SERPINA6: variants seen among roughly 807,000 people sequenced by gnomAD.
SERPINA6 encodes corticosteroid-binding globulin.
Under a neutral mutation model 26.4 loss-of-function variants are expected in SERPINA6, and 19 were observed. That is an observed-to-expected ratio of 0.72 (90% confidence interval 0.50 to 1.06). SERPINA6 has a LOEUF of 1.06. SERPINA6 is among the 50% of genes least tolerant of loss of function. The pLI, the probability that SERPINA6 is intolerant of heterozygous loss-of-function variation, is 0.00. For synonymous variants in SERPINA6, 196 were observed against 199.4 expected, an observed-to-expected ratio of 0.98 and a Z score of 0.14; for missense variants, 473 against 504.0, an observed-to-expected ratio of 0.94 and a Z score of 0.59.
Position 94,304,507 on chromosome 14 carries a change from AG to A in SERPINA6, c.1128del (p.Leu377CysfsTer10). 3.7e-6 allele frequency: 6 copies of A among 1,614,158 alleles called. No homozygotes were observed. The highest frequency in any genetic ancestry group is 5.1e-6 in the Non-Finnish European group (6 of 1,180,026). On this transcript the variant is annotated frameshift_variant, in exon 5 of 5. Transcript: ENST00000341584. LOFTEE classifies it low-confidence loss of function (END_TRUNC). ...VTLNLTSKPI[I>X]LRFNQPFIIM... Reference sequence around the variant, plus strand: ...ATGATGAAGGGCTGGTTGAAACGCAAGATGATAGGCTTGGACGTCAGGTTTA... The same window carrying A: ...ATGATGAAGGGCTGGTTGAAACGCAAATGATAGGCTTGGACGTCAGGTTTA...
chr14:94,317,864 A>C (rs1895633344), intron 1 of SERPINA6, among the ~76,000 whole-genome samples: 1 of 152,258 alleles, frequency 6.6e-6, no homozygotes, highest in Non-Finnish European at 1.5e-5. Flanking sequence ...GCAATTGGGC[A>C]AGGAAAGAAA....
chr14:94,317,621 TC>T (rs1895630096), intron 1 of SERPINA6, among the ~76,000 whole-genome samples: 1 of 152,212 alleles, frequency 6.6e-6, no homozygotes, highest in Non-Finnish European at 1.5e-5. Flanking sequence ...GTGAGCCTAA[TC>T]TTTCATGGCC....
chr14:94,315,315 G>A (rs1248211537), intron 1 of SERPINA6, among the ~76,000 whole-genome samples: 1 of 152,138 alleles, frequency 6.6e-6, no homozygotes, highest in Non-Finnish European at 1.5e-5. Context: ...AGGAAGCAGA[G>A]CTTTTGTATG....
At chr14:94,316,252 A>G (rs1895612782) in intron 1 of SERPINA6, among the ~76,000 whole-genome samples, 1 of 152,140 alleles carries the variant, frequency 6.6e-6, no homozygotes, top group African/African-American at 2.4e-5. Context: ...TGTCTTTTAA[A>G]ATCTATTGAC....
At chr14:94,315,420 G>A (rs1359302360) in intron 1 of SERPINA6, among the ~76,000 whole-genome samples, 1 of 152,062 alleles carries the variant, frequency 6.6e-6, no homozygotes, top group Non-Finnish European at 1.5e-5. Context: ...TTTCTCTATT[G>A]TTTTTCTATT....
intron 4 of SERPINA6, 119 bp from the exon 5 acceptor site, chr14:94,304,722 G>T: frequency 1.2e-6 from 1 of 834,760 alleles, no homozygotes. Flanking sequence ...GGTCAGAGAA[G>T]GTCACTTGCT....
At chr14:94,311,730 G>A (rs1196243701) in intron 2 of SERPINA6, among the ~76,000 whole-genome samples, 1 of 152,102 alleles carries the variant, frequency 6.6e-6, no homozygotes, top group East Asian at 1.9e-4. Flanking sequence ...ATGAGGTCAG[G>A]AGATCGAGAC....
At chr14:94,317,287 T>G (rs1895625990) in intron 1 of SERPINA6, among the ~76,000 whole-genome samples, 1 of 152,230 alleles carries the variant, frequency 6.6e-6, no homozygotes, top group Non-Finnish European at 1.5e-5. Flanking sequence ...CATGATCATC[T>G]TAATTGGTGC....
intron 4 of SERPINA6, among the ~76,000 whole-genome samples, 168 bp from the exon 5 acceptor site, chr14:94,304,771 C>T (rs2139713114): frequency 6.6e-6 from 1 of 152,248 alleles, no homozygotes; most frequent in East Asian, 1.9e-4. Flanking sequence ...ATTACACAGC[C>T]CAAGTCTGTC....
rs202038305 is a variant in SERPINA6, at chr14:94,306,224, C to T, written c.885-6G>A. The T allele has an allele frequency of 5.4e-4, 868 of 1,614,058 alleles. 1 individual carries two copies. The highest frequency in any genetic ancestry group is 4.9e-4 in the Non-Finnish European group (573 of 1,180,006). ...GAATGTACAGGTCCACCTGGCTGCT[C>T]GGGGTAAGCAGACAGAGTTAGACAT... On this transcript the variant is annotated splice_polypyrimidine_tract_variant and splice_region_variant and intron_variant, in intron 3 of 4. Coordinates refer to ENST00000341584, the MANE Select transcript of SERPINA6 (RefSeq NM_001756.4).
chr14:94,312,181 T>C (rs1009766437), intron 2 of SERPINA6, among the ~76,000 whole-genome samples: 1 of 152,248 alleles, frequency 6.6e-6, no homozygotes. Context: ...TGTCTGGTCC[T>C]GCATTCAGGT....
intron 1 of SERPINA6, among the ~76,000 whole-genome samples, chr14:94,321,860 G>T (rs1303159688): frequency 6.6e-6 from 1 of 152,198 alleles, no homozygotes; most frequent in African/African-American, 2.4e-5. Context: ...CTCAGGCACA[G>T]GCCCTGTGCG....
chr14:94,306,550 C>T (rs1271968495), intron 3 of SERPINA6, among the ~76,000 whole-genome samples: 2 of 152,206 alleles, frequency 1.3e-5, no homozygotes, highest in African/African-American at 2.4e-5. Context: ...TTTTTAGTCC[C>T]AGGAGAACCC....
intron 1 of SERPINA6, among the ~76,000 whole-genome samples, chr14:94,320,352 G>T (rs1476254117): frequency 2.0e-5 from 3 of 152,206 alleles, no homozygotes; most frequent in Non-Finnish European, 4.4e-5. Flanking sequence ...TTTGTAACAA[G>T]TAACCAAGTC....
intron 1 of SERPINA6, among the ~76,000 whole-genome samples, chr14:94,318,050 AATTTGAAAAGG>A (rs1895635813): frequency 6.6e-6 from 1 of 152,240 alleles, no homozygotes; most frequent in African/African-American, 2.4e-5. Context: ...CAAAGAAAAC[AATTTGAAAAGG>A]AAATTGAGAA....
At chr14:94,309,421 G>T (rs934916667) in intron 3 of SERPINA6, among the ~76,000 whole-genome samples, 12 of 152,162 alleles carry the variant, frequency 7.9e-5, no homozygotes, top group African/African-American at 2.2e-4. Context: ...TAGCTGGGTG[G>T]TTGGTGAACT....
At chr14:94,304,698 G>T in intron 4 of SERPINA6, 95 bp from the exon 5 acceptor site, 1 of 1,105,478 alleles carries the variant, frequency 9.0e-7, no homozygotes, top group African/African-American at 1.6e-5. Flanking sequence ...TTGGTTTTAG[G>T]AAGGTAAATC....
intron 1 of SERPINA6, among the ~76,000 whole-genome samples, chr14:94,315,866 T>G (rs1180503444): frequency 6.6e-6 from 1 of 152,226 alleles, no homozygotes; most frequent in Non-Finnish European, 1.5e-5. Flanking sequence ...TGCTTTTTTG[T>G]ATTGAAACAC....
chr14:94,309,858 C>T lies in SERPINA6; in HGVS notation c.762G>A (p.Gln254=). The change falls in exon 3 of 5, where the codon CAG becomes CAA. Residue 254 remains glutamine, a synonymous_variant. Coordinates refer to ENST00000341584, the MANE Select transcript of SERPINA6 (RefSeq NM_001756.4). The stretch of plus-strand genomic sequence containing the variant: ...CAGTCCCATTGCCCACGTAGTTCAT[C>T]TGCACCAGCTGGCAGGGGAGCTCCG... The part of the protein sequence containing the change: ...HDSELPCQLV[Q]MNYVGNGTVF... 1 of 1,614,226 alleles carries T rather than the reference C, an allele frequency of 6.2e-7. No homozygotes were observed. The highest frequency in any genetic ancestry group is 8.5e-7 in the Non-Finnish European group (1 of 1,180,044).
Sources: allele counts gnomAD v4.1 joint callset (sites outside exome capture counted in the v4.1 genomes callset), GRCh38; gene constraint gnomAD v4.1.1; transcripts MANE v1.5; gene names NCBI Gene and HGNC (gene_info 2026-07-23, HGNC 2026-07-21).